Variants in DAD1 observed in about 807,000 individuals in gnomAD.
The protein encoded by DAD1 is defender against cell death 1, also known as dolichyl-diphosphooligosaccharide--protein glycosyltransferase subunit DAD1.
Under a neutral mutation model 9.0 loss-of-function variants are expected in DAD1, and 4 were observed. The ratio of observed to expected loss-of-function variants is 0.44; its 90% CI spans 0.22 to 1.01. DAD1 has a LOEUF of 1.01. DAD1 is among the 50% of genes least tolerant of loss of function. The pLI, the probability that DAD1 is intolerant of heterozygous loss-of-function variation, is 0.24. For missense variants in DAD1, 119 were observed against 137.3 expected (o/e 0.87, Z 0.67); for synonymous variants, 60 against 62.5 (o/e 0.96, Z 0.19).
intron 1 of DAD1, among the ~76,000 whole-genome samples, chr14:22,584,653 T>C (rs2037140311): frequency 6.6e-6 from 1 of 152,018 alleles, no homozygotes; most frequent in Non-Finnish European, 1.5e-5. Flanking sequence ...GTTTGACACA[T>C]GAGAGTGTTC....
chr14:22,580,162 A>T (rs1444265401), intron 1 of DAD1, among the ~76,000 whole-genome samples: 1 of 152,098 alleles, frequency 6.6e-6, no homozygotes, highest in Non-Finnish European at 1.5e-5. Context: ...TCACAACTGT[A>T]ACCCCAGCAT....
At position 22,575,196 on chromosome 14, in the gene DAD1, C is replaced by T. The variant is rs766047020; in HGVS notation, c.249G>A (p.Ala83=). Residue 83 remains alanine (A), a synonymous_variant, in exon 2 of 3, where the codon GCG becomes GCA. Transcript: ENST00000250498. ...GCTCTGGGGAGATGCCTTGGAAATCCGCTTTGTTCTGTGGGTTGATCTGTA... is the reference window on the plus strand; with the variant it reads ...GCTCTGGGGAGATGCCTTGGAAATCTGCTTTGTTCTGTGGGTTGATCTGTA... The part of the protein sequence containing the change: ...LRIQINPQNK[A]DFQGISPERA... 1.4e-5 allele frequency: 23 copies of T among 1,614,008 alleles called. No homozygotes were observed. The South Asian group carries it at 1.5e-4, about 11-fold the overall frequency.
rs76545131 is a variant in DAD1, at chr14:22,582,359, A to C, written c.211+6588T>G. On this transcript the variant is annotated intron_variant, in intron 1 of 2. Coordinates refer to ENST00000250498, the MANE Select transcript of DAD1 (RefSeq NM_001344.4). ...GAGACCCATCTCCACTAAAAAATAC[A>C]AAAAAAAAAAAAAAATTAGCCGGTC... Among the ~76,000 whole-genome samples the C allele has an allele frequency of 8.3e-5, 9 of 108,148 alleles. No homozygotes were observed. In the East Asian group the frequency reaches 2.0e-3, roughly 24 times the overall value. 70.9% of individuals were successfully genotyped at this position (108,148 alleles called of 152,430 possible).
chr14:22,583,140 T>C (rs907724857), intron 1 of DAD1, among the ~76,000 whole-genome samples: 4 of 151,776 alleles, frequency 2.6e-5, no homozygotes, highest in Non-Finnish European at 5.9e-5. Flanking sequence ...AGTGAAGACA[T>C]CAAGTTGGCA....
chr14:22,588,202 G>T (rs2037167133), intron 1 of DAD1, among the ~76,000 whole-genome samples: 1 of 152,198 alleles, frequency 6.6e-6, no homozygotes, highest in African/African-American at 2.4e-5. Context: ...ATGAATGCTG[G>T]CATGTTTTCA....
At chr14:22,588,164 T>C (rs1007236534) in intron 1 of DAD1, among the ~76,000 whole-genome samples, 1 of 152,214 alleles carries the variant, frequency 6.6e-6, no homozygotes, top group Non-Finnish European at 1.5e-5. Context: ...ACTGATGACC[T>C]GACTGATGAT....
chr14:22,587,388 C>G (rs189201652), intron 1 of DAD1, among the ~76,000 whole-genome samples: 38 of 152,298 alleles, frequency 2.5e-4, no homozygotes, highest in African/African-American at 9.1e-4. Flanking sequence ...CATCAAGGTT[C>G]CTTCTCCGGG....
intron 1 of DAD1, among the ~76,000 whole-genome samples, chr14:22,580,653 A>G (rs1330495248): frequency 6.6e-6 from 1 of 152,158 alleles, no homozygotes; most frequent in Non-Finnish European, 1.5e-5. Context: ...GATCATGGTA[A>G]CCAGATTATT....
chr14:22,571,011 T>C (rs1235939201), intron 2 of DAD1, among the ~76,000 whole-genome samples: 1 of 89,496 alleles, frequency 1.1e-5, no homozygotes, highest in East Asian at 2.8e-4. Context: ...GACTGAGATT[T>C]TTTTTTTTTT....
At chr14:22,585,298 A>G (rs953211799) in intron 1 of DAD1, among the ~76,000 whole-genome samples, 3 of 152,262 alleles carry the variant, frequency 2.0e-5, no homozygotes, top group African/African-American at 7.2e-5. Flanking sequence ...ACTTGTTTCA[A>G]GACCAAAGAC....
chr14:22,571,453 C>T (rs903926191), intron 2 of DAD1, among the ~76,000 whole-genome samples: 6 of 152,030 alleles, frequency 3.9e-5, no homozygotes, highest in Non-Finnish European at 7.4e-5. Context: ...CCGCCACCTA[C>T]ACAACAAAAA....
intron 1 of DAD1, among the ~76,000 whole-genome samples, chr14:22,587,826 C>T (rs903103901): frequency 6.6e-6 from 1 of 151,804 alleles, no homozygotes; most frequent in African/African-American, 2.4e-5. Flanking sequence ...ACAACCTCCA[C>T]CTCCCGGGTT....
intron 1 of DAD1, among the ~76,000 whole-genome samples, chr14:22,583,976 G>A (rs1191934211): frequency 1.3e-5 from 2 of 152,106 alleles, no homozygotes; most frequent in Non-Finnish European, 2.9e-5. Context: ...TTAGGAAGGC[G>A]AATGTATAAG....
chr14:22,581,690 C>T (rs1594883828), intron 1 of DAD1, among the ~76,000 whole-genome samples: 1 of 142,960 alleles, frequency 7.0e-6, no homozygotes, highest in Middle Eastern at 3.9e-3. Flanking sequence ...TTGCAGTAAG[C>T]CGAGATCGTG....
intron 1 of DAD1, among the ~76,000 whole-genome samples, chr14:22,581,335 C>G (rs954625452): frequency 1.3e-5 from 2 of 152,120 alleles, no homozygotes; most frequent in Non-Finnish European, 2.9e-5. Flanking sequence ...AACAGAAGGT[C>G]TCTTTAAGAG....
chr14:22,588,107 T>C (rs772397741), intron 1 of DAD1, among the ~76,000 whole-genome samples: 3 of 152,230 alleles, frequency 2.0e-5, no homozygotes, highest in African/African-American at 7.2e-5. Context: ...ATAAAGAACA[T>C]GTGCCAAAGC....
rs1174496317 is a variant in DAD1 at position 22,573,017 on chromosome 14, T to C, written c.*44+2042A>G. On this transcript the variant is annotated intron_variant, in intron 2 of 2. Transcript: ENST00000250498. Reference sequence around the variant, plus strand: ...TCCATTGCTCAGATAACTCATCTGCTGTCCCTGCTCCCAGATGGTACAGCT... The same window carrying C: ...TCCATTGCTCAGATAACTCATCTGCCGTCCCTGCTCCCAGATGGTACAGCT... Among the ~76,000 whole-genome samples the C allele has an allele frequency of 2.0e-5, 3 of 152,240 alleles. No homozygotes were observed. In the East Asian group the frequency reaches 5.8e-4, roughly 29 times the overall value.
At chr14:22,583,272 T>C (rs1474884311) in intron 1 of DAD1, among the ~76,000 whole-genome samples, 1 of 152,078 alleles carries the variant, frequency 6.6e-6, no homozygotes, top group African/African-American at 2.4e-5. Context: ...AGTGAAGGTA[T>C]CTACAACCAT....
intron 2 of DAD1, among the ~76,000 whole-genome samples, chr14:22,566,805 G>A (rs1040094783): frequency 6.6e-6 from 1 of 152,214 alleles, no homozygotes; most frequent in East Asian, 1.9e-4. Flanking sequence ...CAGTCCACGT[G>A]AAAGGCAAAA....
Sources: gnomAD v4.1 joint callset for allele counts (sites outside exome capture counted in the v4.1 genomes callset) on GRCh38, gnomAD v4.1.1 for gene constraint, MANE v1.5 for transcripts, NCBI Gene and HGNC (gene_info 2026-07-23, HGNC 2026-07-21) for gene names.